Variants in PRKD3 observed in about 807,000 individuals in gnomAD.
PRKD3 encodes the protein serine/threonine-protein kinase D3.
A neutral mutation model predicts 99.2 loss-of-function variants in PRKD3; 47 were observed. The observed-to-expected ratio is 0.47, with a 90% confidence interval of 0.38 to 0.60. The LOEUF is 0.60. PRKD3 is among the 20% of genes least tolerant of loss of function. The pLI is 0.00. For missense variants in PRKD3, 1,019 were observed against 1,088.4 expected, an observed-to-expected ratio of 0.94 and a Z score of 0.90; for synonymous variants, 392 against 355.4, an observed-to-expected ratio of 1.10 and a Z score of -1.16.
chr2:37,263,427 A>C (rs1444223225), intron 14 of PRKD3, among the ~76,000 whole-genome samples: 3 of 152,144 alleles, frequency 2.0e-5, no homozygotes, highest in Non-Finnish European at 4.4e-5. Context: ...GGTCAGTATA[A>C]TCTGCTTAGA....
intron 11 of PRKD3, 75 bp downstream of exon 11, chr2:37,274,346 A>G: frequency 6.6e-7 from 1 of 1,519,364 alleles, no homozygotes; most frequent in East Asian, 2.3e-5. Flanking sequence ...AAAAGGAACA[A>G]AGGAACACAA....
Position 37,256,705 on chromosome 2 carries a change from T to C in PRKD3, c.2370A>G (p.Ala790=). 6.3e-7 allele frequency: 1 copy of C among 1,598,388 alleles called. No homozygotes were observed. The highest frequency in any genetic ancestry group is 8.5e-7 in the Non-Finnish European group (1 of 1,174,048). The change falls in exon 17 of 19, where the codon GCA becomes GCG. Residue 790 remains alanine, a synonymous_variant. Coordinates refer to ENST00000234179, the MANE Select transcript of PRKD3 (RefSeq NM_005813.6). ...EDINDQIQNA[A]FMYPPNPWRE... ...TCCATGGATTTGGTGGGTACATAAATGCAGCATTTTGGATTTGGTCATTTA... is the reference window on the plus strand; with the variant it reads ...TCCATGGATTTGGTGGGTACATAAACGCAGCATTTTGGATTTGGTCATTTA...
Position 37,260,373 on chromosome 2 carries a change from A to T in PRKD3, c.1896T>A (p.His632Gln). 1.2e-6 allele frequency: 2 copies of T among 1,611,272 alleles called. No individual in the cohort carries two copies. The highest frequency in any genetic ancestry group is 1.7e-6 in the Non-Finnish European group (2 of 1,177,516). ...TACATTCCAGGTTTACAATCCCAGG[A>T]TGGTGCAAATTCTGAAGAGAGGTTG... is the stretch of plus-strand genomic sequence containing the variant. Reference protein sequence around the residue: ...NEVAILQNLHHPGIVNLECMF... With the variant: ...NEVAILQNLHQPGIVNLECMF... The change falls in exon 15 of 19, where the codon CAT (histidine) becomes CAA (glutamine). Residue 632 changes from histidine (H) to glutamine (Q), a missense_variant. Physicochemically the swap from His to Gln is conservative, Grantham distance 24 (BLOSUM62 0). Around this residue, in one of 3 missense-constraint regions of PRKD3, gnomAD observed 184 missense variants for 275.1 expected, o/e 0.67. Coordinates refer to ENST00000234179, the MANE Select transcript of PRKD3 (RefSeq NM_005813.6).
At chr2:37,289,320 C>A (rs1479422792) in intron 5 of PRKD3, 36 bp downstream of exon 5, 4 of 1,601,440 alleles carry the variant, frequency 2.5e-6, no homozygotes, top group Non-Finnish European at 3.4e-6. Context: ...CAGAGAATAA[C>A]TACTACTAAA....
intron 14 of PRKD3, 65 bp downstream of exon 14, chr2:37,267,364 AG>A: frequency 2.1e-6 from 2 of 941,398 alleles, no homozygotes; most frequent in South Asian, 1.6e-5. Flanking sequence ...AAAAAAAAAG[AG>A]AAGCAGTTAA....
chr2:37,309,512 A>G (rs760241617), intron 2 of PRKD3, among the ~76,000 whole-genome samples: 3 of 152,216 alleles, frequency 2.0e-5, no homozygotes, highest in Non-Finnish European at 4.4e-5. Flanking sequence ...CCTCAAAATT[A>G]TAAGATTCTT....
intron 2 of PRKD3, among the ~76,000 whole-genome samples, chr2:37,295,922 TC>T (rs1670654473): frequency 6.6e-6 from 1 of 152,030 alleles, no homozygotes; most frequent in African/African-American, 2.4e-5. Flanking sequence ...ACCCTATCAG[TC>T]AGAAAAGTAT....
chr2:37,289,128 C>G (rs1670262468), intron 5 of PRKD3, among the ~76,000 whole-genome samples: 1 of 150,490 alleles, frequency 6.6e-6, no homozygotes, highest in Non-Finnish European at 1.5e-5. Context: ...AGGATACTGA[C>G]TAGAAGGCTA....
chr2:37,304,736 T>A (rs1314855007), intron 2 of PRKD3, among the ~76,000 whole-genome samples: 6 of 127,812 alleles, frequency 4.7e-5, no homozygotes, highest in Non-Finnish European at 9.9e-5. Flanking sequence ...CAAAACTCCA[T>A]CTCAAAAAAA....
At chr2:37,266,260 ACT>A (rs1288542381) in intron 14 of PRKD3, among the ~76,000 whole-genome samples, 1 of 152,190 alleles carries the variant, frequency 6.6e-6, no homozygotes. Context: ...CTTCAAGGAA[ACT>A]CAAGTTCAGA....
intron 2 of PRKD3, among the ~76,000 whole-genome samples, chr2:37,303,259 A>C (rs1671017361): frequency 1.3e-5 from 2 of 151,728 alleles, no homozygotes; most frequent in African/African-American, 4.8e-5. Context: ...TACCACCTTC[A>C]CCATCCTTCA....
At position 37,256,655 on chromosome 2, in the gene PRKD3, T is replaced by TCC; in HGVS notation, c.2413+6_2413+7insGG. On this transcript the variant is annotated splice_region_variant and intron_variant, in intron 17 of 18. Coordinates refer to ENST00000234179, the MANE Select transcript of PRKD3 (RefSeq NM_005813.6). ...TTTTTTTTTTTTTTTTTTTTTTTTT[T>TCC]TTTTACCTTCACCAGAAATTTCTCT... 7.5e-7 allele frequency: 1 copy of TCC among 1,342,230 alleles called. No homozygotes were observed. Among genetic ancestry groups the TCC allele is most frequent in the Non-Finnish European group, 9.7e-7 (1 of 1,031,774 alleles). 83.1% of individuals were successfully genotyped at this position (1,342,230 alleles called of 1,614,324 possible).
intron 2 of PRKD3, among the ~76,000 whole-genome samples, chr2:37,294,054 T>C (rs1253938426): frequency 1.3e-5 from 2 of 152,214 alleles, no homozygotes; most frequent in African/African-American, 2.4e-5. Context: ...TTTCTGACCT[T>C]AATTTTCTCA....
chr2:37,282,546 AT>A lies in PRKD3; in HGVS notation c.983del (p.Asn328MetfsTer22). ...PRDCLGEVTF[N>X]GEPSSLGTDT... ...AATTAAGAAAAATAATTTTACCTCC[AT>A]TGAAAGTAACCTCTCCAAGGCAGTC... On this transcript the variant is annotated frameshift_variant, in exon 7 of 19. Coordinates refer to ENST00000234179, the MANE Select transcript of PRKD3 (RefSeq NM_005813.6). LOFTEE classifies it high-confidence loss of function. 2 of 1,573,260 alleles carry A rather than the reference AT, an allele frequency of 1.3e-6. No homozygotes were observed. Among genetic ancestry groups the A allele is most frequent in the Non-Finnish European group, 1.7e-6 (2 of 1,143,826 alleles).
rs762333246 is a variant in PRKD3, at chr2:37,256,624, C to CA, written c.2413+37dup. 5.5e-3 allele frequency: 7,353 copies of CA among 1,344,684 alleles called. 193 individuals carry two copies. Among genetic ancestry groups the CA allele is most frequent in the South Asian group, 0.01 (704 of 67,162 alleles). 83.3% of individuals were successfully genotyped at this position (1,344,684 alleles called of 1,614,324 possible). On this transcript the variant is annotated intron_variant, in intron 17 of 18. Transcript: ENST00000234179. ...GATGTTTAGGCTTAAAACACATAGCCAAAATTTTTTTTTTTTTTTTTTTTT... is the reference window on the plus strand; with the variant it reads ...GATGTTTAGGCTTAAAACACATAGCCAAAAATTTTTTTTTTTTTTTTTTTTT...
chr2:37,292,679 T>C (rs983396949), intron 3 of PRKD3, among the ~76,000 whole-genome samples: 1 of 151,702 alleles, frequency 6.6e-6, no homozygotes, highest in Non-Finnish European at 1.5e-5. Context: ...CGAGTCTCGC[T>C]CTGTTGTCCA....
chr2:37,302,054 A>G (rs1232399904), intron 2 of PRKD3, among the ~76,000 whole-genome samples: 5 of 152,226 alleles, frequency 3.3e-5, no homozygotes, highest in African/African-American at 4.8e-5. Context: ...AAAAGAGTCA[A>G]GAGAATAAAG....
At position 37,316,304 on chromosome 2, in the gene PRKD3, G is replaced by C; in HGVS notation, c.221C>G (p.Thr74Ser). ...TAAAGACAGTTCCTGGGCTTCAATGGTAACACTCTCCCGTGTGAGGCCAAT... is the reference window on the plus strand; with the variant it reads ...TAAAGACAGTTCCTGGGCTTCAATGCTAACACTCTCCCGTGTGAGGCCAAT... ...LQIGLTRESV[T>S]IEAQELSLSA... The change falls in exon 2 of 19, where the codon ACC (threonine) becomes AGC (serine). Residue 74 changes from threonine to serine, a missense_variant. By Grantham distance (58) the Thr-to-Ser change is moderately conservative (BLOSUM62 1). This residue lies in a region of PRKD3 where 710 missense variants were observed against 692.7 expected (regional missense o/e 1.02). Transcript: ENST00000234179. The C allele has an allele frequency of 1.2e-6, 2 of 1,614,238 alleles. No individual in the cohort carries two copies. The highest frequency in any genetic ancestry group is 1.7e-6 in the Non-Finnish European group (2 of 1,180,038).
intron 4 of PRKD3, among the ~76,000 whole-genome samples, chr2:37,289,825 G>C (rs1199392538): frequency 6.6e-6 from 1 of 152,208 alleles, no homozygotes; most frequent in African/African-American, 2.4e-5. Flanking sequence ...CTACGGGGAT[G>C]AGGCCCAGCA....
Sources: allele counts gnomAD v4.1 joint callset (sites outside exome capture counted in the v4.1 genomes callset), GRCh38; gene constraint gnomAD v4.1.1; regional missense constraint gnomAD v4.1.1; transcripts MANE v1.5; gene names NCBI Gene and HGNC (gene_info 2026-07-23, HGNC 2026-07-21).